Variants in ADGRA3 observed in about 807,000 individuals in gnomAD.
ADGRA3 encodes adhesion G protein-coupled receptor A3.
Under a neutral mutation model 119.8 loss-of-function variants are expected in ADGRA3, and 56 were observed. The observed-to-expected ratio is 0.47, with a 90% CI of 0.38 to 0.58. The LOEUF (loss-of-function observed/expected upper bound fraction) is 0.58. Ranked by LOEUF, ADGRA3 falls within the 20% of genes least tolerant of loss-of-function variation. ADGRA3 has a pLI of 0.00. For missense variants in ADGRA3, 1,516 were observed against 1,649.0 expected (o/e 0.92, Z 1.40); for synonymous variants, 607 against 623.8 (o/e 0.97, Z 0.40).
At chr4:22,452,901 TCTAAAGTAAAAATACAG>T (rs1717099978) in intron 4 of ADGRA3, among the ~76,000 whole-genome samples, 1 of 151,958 alleles carries the variant, frequency 6.6e-6, no homozygotes, top group Admixed American at 6.6e-5. Context: ...AACGCAGTCC[TCTAAAGTAAAAATACAG>T]CCAGGCGTGG....
chr4:22,434,137 A>T (rs1361132404), intron 10 of ADGRA3, among the ~76,000 whole-genome samples: 2 of 148,280 alleles, frequency 1.3e-5, no homozygotes, highest in African/African-American at 4.9e-5. Flanking sequence ...ATTATATATA[A>T]CAATATATCT....
intron 6 of ADGRA3, among the ~76,000 whole-genome samples, chr4:22,444,005 G>C (rs1197892928): frequency 6.6e-6 from 1 of 152,090 alleles, no homozygotes; most frequent in Non-Finnish European, 1.5e-5. Context: ...TTATGGGGTT[G>C]TGTGTGTAGG....
At chr4:22,511,207 A>G (rs1719436007) in intron 1 of ADGRA3, among the ~76,000 whole-genome samples, 1 of 152,250 alleles carries the variant, frequency 6.6e-6, no homozygotes, top group Non-Finnish European at 1.5e-5. Flanking sequence ...CTTTCCATCA[A>G]TGAAATCCTC....
chr4:22,487,508 C>T (rs1405579123), intron 1 of ADGRA3, among the ~76,000 whole-genome samples: 1 of 152,154 alleles, frequency 6.6e-6, no homozygotes, highest in Non-Finnish European at 1.5e-5. Flanking sequence ...TGCTGTACAG[C>T]CCCCATTCCT....
chr4:22,460,534 G>C (rs1717406791), intron 3 of ADGRA3, among the ~76,000 whole-genome samples: 1 of 152,136 alleles, frequency 6.6e-6, no homozygotes, highest in Non-Finnish European at 1.5e-5. Flanking sequence ...TCTACCATTA[G>C]TCTCCAATAT....
At chr4:22,455,767 C>CT (rs1399847729) in intron 3 of ADGRA3, 1 of 1,256,112 alleles carries the variant, frequency 8.0e-7, no homozygotes, top group Admixed American at 2.3e-5. Context: ...AAAGTAAAAA[C>CT]TTTATGTTGG....
In ADGRA3 at chr4:22,437,870, T is replaced by C. The variant is rs1160716787; in HGVS notation, c.1085+386A>G. Among the ~76,000 whole-genome samples the C allele has an allele frequency of 2.6e-5, 4 of 152,106 alleles. No homozygotes were observed. The East Asian group carries it at 5.8e-4, about 22-fold the overall frequency. ...AGTAGTGAAAAGTACCTTAGCAATA[T>C]AAAACCTTCCAAGGTTCATCTATAA... is the stretch of plus-strand genomic sequence containing the variant. On this transcript the variant is annotated intron_variant, in intron 8 of 18. Coordinates refer to ENST00000334304, the MANE Select transcript of ADGRA3 (RefSeq NM_145290.4).
At chr4:22,453,812 C>A (rs1717150119) in intron 4 of ADGRA3, among the ~76,000 whole-genome samples, 1 of 151,996 alleles carries the variant, frequency 6.6e-6, no homozygotes, top group Non-Finnish European at 1.5e-5. Context: ...AGTAATCAGC[C>A]TTATGTCTAA....
intron 16 of ADGRA3, among the ~76,000 whole-genome samples, chr4:22,396,344 T>C (rs1714353001): frequency 6.6e-6 from 1 of 152,182 alleles, no homozygotes; most frequent in South Asian, 2.1e-4. Context: ...AACCCATTTA[T>C]ACTGTTCATA....
intron 10 of ADGRA3, among the ~76,000 whole-genome samples, chr4:22,427,187 G>A (rs1040901887): frequency 3.3e-5 from 5 of 152,188 alleles, no homozygotes; most frequent in African/African-American, 9.6e-5. Context: ...AATTCCCACT[G>A]GATGCAAAAC....
chr4:22,456,771 A>C (rs1378150561), intron 3 of ADGRA3, among the ~76,000 whole-genome samples: 1 of 152,170 alleles, frequency 6.6e-6, no homozygotes, highest in Non-Finnish European at 1.5e-5. Flanking sequence ...GGAGAGGCCT[A>C]ATACAGCACC....
At chr4:22,415,119 G>C (rs1190026411) in intron 12 of ADGRA3, among the ~76,000 whole-genome samples, 13 of 152,070 alleles carry the variant, frequency 8.5e-5, no homozygotes, top group Admixed American at 7.9e-4. Flanking sequence ...CCTCAAGCCA[G>C]AGTATGAGGA....
At chr4:22,423,511 CT>C (rs1184220240) in intron 11 of ADGRA3, among the ~76,000 whole-genome samples, 1 of 152,138 alleles carries the variant, frequency 6.6e-6, no homozygotes, top group Non-Finnish European at 1.5e-5. Flanking sequence ...ACATTATTTA[CT>C]GTATTCACCA....
At chr4:22,439,905 C>G (rs1716545153) in intron 7 of ADGRA3, among the ~76,000 whole-genome samples, 1 of 152,082 alleles carries the variant, frequency 6.6e-6, no homozygotes, top group Non-Finnish European at 1.5e-5. Flanking sequence ...TAAATTAAAT[C>G]CCCCAAATGT....
Position 22,466,481 on chromosome 4 carries a change from C to T in ADGRA3, c.330-4673G>A, listed in dbSNP as rs558319299. Among the ~76,000 whole-genome samples the T allele has an allele frequency of 1.3e-3, 191 of 152,316 alleles. 3 individuals carry two copies. The Middle Eastern group carries it at 0.017, about 14-fold the overall frequency. On this transcript the variant is annotated intron_variant, in intron 2 of 18. Coordinates refer to ENST00000334304, the MANE Select transcript of ADGRA3 (RefSeq NM_145290.4). Reference sequence around the variant, plus strand: ...TTGGCTCACGCCTATAATCCCAGCACTTTGGGAGGCCGAGGCAGGTGGATC... The same window carrying T: ...TTGGCTCACGCCTATAATCCCAGCATTTTGGGAGGCCGAGGCAGGTGGATC...
intron 1 of ADGRA3, among the ~76,000 whole-genome samples, chr4:22,506,202 T>C (rs2109179749): frequency 6.6e-6 from 1 of 152,234 alleles, no homozygotes; most frequent in Non-Finnish European, 1.5e-5. Flanking sequence ...CTTCCATTTT[T>C]ACCCTTCAGG....
intron 1 of ADGRA3, among the ~76,000 whole-genome samples, chr4:22,494,206 GAA>G (rs765015053): frequency 1.5e-5 from 2 of 132,160 alleles, no homozygotes; most frequent in East Asian, 2.2e-4. Flanking sequence ...CTCTGTCTCA[GAA>G]AAAAAAAAAA....
intron 2 of ADGRA3, among the ~76,000 whole-genome samples, chr4:22,465,653 G>GT (rs1402851617): frequency 6.6e-6 from 1 of 152,182 alleles, no homozygotes; most frequent in African/African-American, 2.4e-5. Context: ...CTAGGAGGCA[G>GT]TGTCATTGTT....
chr4:22,495,617 C>A (rs2109157355), intron 1 of ADGRA3, among the ~76,000 whole-genome samples: 1 of 152,010 alleles, frequency 6.6e-6, no homozygotes, highest in Admixed American at 6.5e-5. Flanking sequence ...ATAAAAGTAT[C>A]AAAGTTATAG....
Sources: allele counts gnomAD v4.1 joint callset (sites outside exome capture counted in the v4.1 genomes callset), GRCh38; gene constraint gnomAD v4.1.1; transcripts MANE v1.5; gene names NCBI Gene and HGNC (gene_info 2026-07-23, HGNC 2026-07-21).